The following CDH8 variants were observed in gnomAD, a reference collection of about 807,000 sequenced individuals.
The protein encoded by CDH8 is cadherin 8.
In CDH8, 17 loss-of-function variants were observed where a neutral mutation model predicts 68.1. That is an observed-to-expected ratio of 0.25 (90% CI 0.17 to 0.37). CDH8 has a LOEUF of 0.37. Among genes scored for constraint, CDH8 ranks in the 10% least tolerant of loss-of-function variants. CDH8 has a pLI of 1.00. For synonymous variants in CDH8, 372 were observed against 365.1 expected (o/e 1.02, Z -0.21); for missense variants, 763 against 999.3 (o/e 0.76, Z 3.19).
chr16:61,932,076 G>A (rs1401169296), intron 2 of CDH8, among the ~76,000 whole-genome samples: 2 of 151,924 alleles, frequency 1.3e-5, no homozygotes, highest in East Asian at 3.9e-4. Context: ...GCGTGGTGGT[G>A]GGCGCCTGTA....
intron 2 of CDH8, among the ~76,000 whole-genome samples, chr16:61,956,137 AAAGAGT>A (rs1168151517): frequency 6.6e-6 from 1 of 152,174 alleles, no homozygotes; most frequent in East Asian, 1.9e-4. Context: ...GTAATAAGAC[AAAGAGT>A]ATCAACCCTG....
intron 7 of CDH8, among the ~76,000 whole-genome samples, chr16:61,799,433 T>C (rs1207190938): frequency 1.3e-5 from 2 of 152,192 alleles, no homozygotes; most frequent in Non-Finnish European, 2.9e-5. Context: ...TGCTAAGCCC[T>C]ATATATTAAT....
intron 3 of CDH8, among the ~76,000 whole-genome samples, chr16:61,893,849 T>A (rs1259466514): frequency 6.6e-6 from 1 of 151,888 alleles, no homozygotes; most frequent in Non-Finnish European, 1.5e-5. Flanking sequence ...CACAAGCAAA[T>A]TAATGTGAAG....
chr16:61,828,711 C>T (rs1962394439), intron 4 of CDH8, among the ~76,000 whole-genome samples: 2 of 151,808 alleles, frequency 1.3e-5, no homozygotes, highest in Non-Finnish European at 2.9e-5. Flanking sequence ...ATTCCTCTTA[C>T]CAATGCTGCC....
At chr16:62,027,891 A>C (rs1902231813) in intron 1 of CDH8, among the ~76,000 whole-genome samples, 1 of 152,112 alleles carries the variant, frequency 6.6e-6, no homozygotes, top group Non-Finnish European at 1.5e-5. Context: ...ATGTAAACAC[A>C]CACACCCACA....
intron 10 of CDH8, among the ~76,000 whole-genome samples, chr16:61,657,705 T>G (rs1177219545): frequency 6.6e-6 from 1 of 152,086 alleles, no homozygotes; most frequent in Non-Finnish European, 1.5e-5. Flanking sequence ...AAAGATAGAA[T>G]TTGTTCTTCA....
At chr16:62,013,454 A>G (rs1006348961) in intron 2 of CDH8, among the ~76,000 whole-genome samples, 5 of 152,168 alleles carry the variant, frequency 3.3e-5, no homozygotes, top group African/African-American at 1.2e-4. Flanking sequence ...ATTTGAATAC[A>G]TACATCTATA....
At chr16:61,850,815 A>G (rs1302634197) in intron 4 of CDH8, among the ~76,000 whole-genome samples, 1 of 151,990 alleles carries the variant, frequency 6.6e-6, no homozygotes, top group Non-Finnish European at 1.5e-5. Flanking sequence ...CTCTTCATAC[A>G]TGTTTGCTAA....
intron 10 of CDH8, among the ~76,000 whole-genome samples, chr16:61,688,488 T>C (rs1964150097): frequency 6.6e-6 from 1 of 151,946 alleles, no homozygotes; most frequent in Admixed American, 6.6e-5. Flanking sequence ...GCTTCCTTTT[T>C]CGTGTAGTGT....
Position 61,841,091 on chromosome 16 carries a change from T to C in CDH8, c.668-15912A>G, listed in dbSNP as rs190330765. 9.2e-5 allele frequency among the ~76,000 whole-genome samples: 14 copies of C among 152,334 alleles called. No individual in the cohort carries two copies. The East Asian group carries it at 2.5e-3, about 27-fold the overall frequency. On this transcript the variant is annotated intron_variant, in intron 4 of 11. Transcript: ENST00000577390. ...TCCATTGTGTATATCTACTACACTT[T>C]CTTTGTCCATTCACCTATTAATGGA...
chr16:61,660,289 A>G (rs1963530086), intron 10 of CDH8, among the ~76,000 whole-genome samples: 1 of 152,132 alleles, frequency 6.6e-6, no homozygotes. Flanking sequence ...AACAGCTGGC[A>G]AAAAGAAAAA....
intron 2 of CDH8, among the ~76,000 whole-genome samples, chr16:62,003,843 A>G (rs1965932304): frequency 6.6e-6 from 1 of 152,214 alleles, no homozygotes; most frequent in Admixed American, 6.5e-5. Flanking sequence ...TTCTCCTTAA[A>G]TATTGAAAAG....
intron 10 of CDH8, among the ~76,000 whole-genome samples, chr16:61,700,969 G>C (rs532244851): frequency 1.3e-5 from 2 of 152,258 alleles, no homozygotes; most frequent in Admixed American, 1.3e-4. Flanking sequence ...TCATTACATG[G>C]TGTACACACA....
chr16:61,845,316 A>G (rs1337067222), intron 4 of CDH8, among the ~76,000 whole-genome samples: 3 of 152,050 alleles, frequency 2.0e-5, no homozygotes, highest in Non-Finnish European at 4.4e-5. Context: ...CAATTAGGCA[A>G]TCTCAATTTC....
intron 2 of CDH8, among the ~76,000 whole-genome samples, chr16:61,960,663 C>T (rs1229690786): frequency 1.3e-5 from 2 of 152,036 alleles, no homozygotes; most frequent in Non-Finnish European, 2.9e-5. Flanking sequence ...CAGAGCTGTT[C>T]CCCCTTTTTC....
At chr16:61,863,963 C>T (rs1048231533) in intron 3 of CDH8, among the ~76,000 whole-genome samples, 3 of 152,086 alleles carry the variant, frequency 2.0e-5, no homozygotes, top group African/African-American at 7.2e-5. Context: ...AAAACTGAGC[C>T]CTCAACCCAA....
intron 10 of CDH8, among the ~76,000 whole-genome samples, chr16:61,686,710 G>C (rs932156865): frequency 1.3e-5 from 2 of 152,094 alleles, no homozygotes; most frequent in East Asian, 3.9e-4. Flanking sequence ...AAGAAAAAGA[G>C]ATATTTTTAA....
chr16:61,970,019 A>T (rs960245599), intron 2 of CDH8, among the ~76,000 whole-genome samples: 1 of 152,224 alleles, frequency 6.6e-6, no homozygotes. Flanking sequence ...AGTATCTCTG[A>T]TCTTCAATAT....
chr16:61,747,089 T>C (rs1231046727), intron 8 of CDH8, among the ~76,000 whole-genome samples: 1 of 152,094 alleles, frequency 6.6e-6, no homozygotes, highest in Non-Finnish European at 1.5e-5. Flanking sequence ...AATGTAAACA[T>C]AGATCACAGT....
Sources: allele counts gnomAD v4.1 joint callset (sites outside exome capture counted in the v4.1 genomes callset), GRCh38; gene constraint gnomAD v4.1.1; transcripts MANE v1.5; gene names NCBI Gene and HGNC (gene_info 2026-07-23, HGNC 2026-07-21).